PIK3R4: variants seen among roughly 807,000 people sequenced by gnomAD.
PIK3R4 encodes phosphoinositide 3-kinase regulatory subunit 4.
A neutral mutation model predicts 136.5 loss-of-function variants in PIK3R4; 46 were observed. That is an observed-to-expected ratio of 0.34 (90% CI 0.27 to 0.43). The LOEUF is 0.43. Ranked by LOEUF, PIK3R4 falls within the 20% of genes least tolerant of loss-of-function variation. The pLI, the probability that PIK3R4 is intolerant of heterozygous loss-of-function variation, is 1.00. For missense variants in PIK3R4, 1,331 were observed against 1,649.5 expected, an observed-to-expected ratio of 0.81 and a Z score of 3.35; for synonymous variants, 557 against 566.7, an observed-to-expected ratio of 0.98 and a Z score of 0.24.
chr3:130,734,134 T>C lies in PIK3R4; in HGVS notation c.868-4A>G, dbSNP rs368568950. On this transcript the variant is annotated splice_polypyrimidine_tract_variant and splice_region_variant and intron_variant, in intron 3 of 19. Transcript: ENST00000356763. ...CACGGTGAATCATCTGAGTTACCTATACCAAGGGAAGAAAAGGAATTAAAA... is the reference window on the plus strand; with the variant it reads ...CACGGTGAATCATCTGAGTTACCTACACCAAGGGAAGAAAAGGAATTAAAA... 6.1e-5 allele frequency: 96 copies of C among 1,583,174 alleles called. No homozygotes were observed. The highest frequency in any genetic ancestry group is 7.8e-5 in the Non-Finnish European group (91 of 1,165,558).
chr3:130,729,634 C>T (rs1169264836), intron 5 of PIK3R4, among the ~76,000 whole-genome samples: 4 of 152,142 alleles, frequency 2.6e-5, no homozygotes, highest in African/African-American at 9.7e-5. Flanking sequence ...CTGTATTCAA[C>T]TCTAGATAAT....
chr3:130,714,121 A>G (rs75998334), intron 9 of PIK3R4, among the ~76,000 whole-genome samples: 31,293 of 152,154 alleles, frequency 0.21, 3,486 homozygotes, highest in South Asian at 0.36. Context: ...AGGAGAAACA[A>G]CAGAAAAATG....
chr3:130,687,997 A>AAAAG (rs1244772619), intron 14 of PIK3R4, among the ~76,000 whole-genome samples: 1 of 152,204 alleles, frequency 6.6e-6, no homozygotes, highest in Non-Finnish European at 1.5e-5. Flanking sequence ...GGCCAGAGCT[A>AAAAG]AAAGATATAT....
intron 6 of PIK3R4, among the ~76,000 whole-genome samples, chr3:130,726,595 A>G (rs1221764867): frequency 6.6e-6 from 1 of 152,224 alleles, no homozygotes; most frequent in African/African-American, 2.4e-5. Context: ...GAAGAGGAAT[A>G]GCTATGGGAA....
chr3:130,731,839 G>C (rs2066761526), intron 4 of PIK3R4, among the ~76,000 whole-genome samples: 1 of 152,144 alleles, frequency 6.6e-6, no homozygotes. Context: ...TATTTTAAAA[G>C]ACCGCAAATT....
chr3:130,690,564 A>G lies in PIK3R4; in HGVS notation c.3189T>C (p.Asn1063=), dbSNP rs56006483. Residue 1063 remains asparagine, a synonymous_variant, in exon 14 of 20, where the codon AAT becomes AAC. Coordinates refer to ENST00000356763, the MANE Select transcript of PIK3R4 (RefSeq NM_014602.3). ...CAATTCCAAGAAGCTGGACAGCACC[A>G]TTATCAGATGCTATGGCTAAATAGT... ...GSHYLAIASD[N]GAVQLLGIEA... is the part of the protein sequence containing the mutation. 6.8e-6 allele frequency: 11 copies of G among 1,612,678 alleles called. No homozygotes were observed. The East Asian group carries it at 2.0e-4, about 29-fold the overall frequency.
At chr3:130,715,182 G>T (rs143543994) in intron 9 of PIK3R4, among the ~76,000 whole-genome samples, 1 of 147,814 alleles carries the variant, frequency 6.8e-6, no homozygotes, top group Non-Finnish European at 1.5e-5. Flanking sequence ...GGAGTGCAGC[G>T]GTGCGATCTT....
chr3:130,720,422 T>C (rs1349592673), intron 7 of PIK3R4, among the ~76,000 whole-genome samples: 1 of 152,230 alleles, frequency 6.6e-6, no homozygotes, highest in African/African-American at 2.4e-5. Flanking sequence ...CTTGAGCTCC[T>C]GACCTCAGGT....
intron 17 of PIK3R4, 84 bp from the exon 18 acceptor site, chr3:130,681,149 T>C: frequency 1.2e-6 from 1 of 810,406 alleles, no homozygotes; most frequent in East Asian, 2.5e-5. Context: ...GCAAGTTAAC[T>C]GTCAGTAGCT....
intron 13 of PIK3R4, 38 bp downstream of exon 13, chr3:130,703,685 T>C: frequency 5.4e-6 from 8 of 1,487,348 alleles, no homozygotes; most frequent in Non-Finnish European, 7.5e-6. Flanking sequence ...TTTGTTGATT[T>C]GAATTAATGA....
intron 9 of PIK3R4, among the ~76,000 whole-genome samples, chr3:130,715,659 C>A (rs2066660696): frequency 6.6e-6 from 1 of 151,720 alleles, no homozygotes; most frequent in African/African-American, 2.4e-5. Context: ...GATATTAGAT[C>A]TTTGTCAGAT....
chr3:130,743,484 C>G (rs1389026405), intron 2 of PIK3R4, among the ~76,000 whole-genome samples: 2 of 152,116 alleles, frequency 1.3e-5, no homozygotes, highest in East Asian at 3.8e-4. Flanking sequence ...CTCCTGCATA[C>G]TTGGCAGAAA....
At chr3:130,735,202 A>G (rs1400745319) in intron 3 of PIK3R4, among the ~76,000 whole-genome samples, 2 of 152,202 alleles carry the variant, frequency 1.3e-5, no homozygotes, top group Non-Finnish European at 2.9e-5. Flanking sequence ...AAAATGTATT[A>G]CATATCTCCC....
intron 7 of PIK3R4, among the ~76,000 whole-genome samples, chr3:130,721,825 GCAA>G (rs1340714420): frequency 6.6e-6 from 1 of 152,118 alleles, no homozygotes; most frequent in Non-Finnish European, 1.5e-5. Flanking sequence ...TACAGTATGT[GCAA>G]GTACAGCATG....
At chr3:130,721,736 G>A (rs1481622762) in intron 7 of PIK3R4, among the ~76,000 whole-genome samples, 1 of 152,142 alleles carries the variant, frequency 6.6e-6, no homozygotes, top group Non-Finnish European at 1.5e-5. Flanking sequence ...CCAGGGGCTG[G>A]GGTAGAAGGG....
intron 13 of PIK3R4, among the ~76,000 whole-genome samples, chr3:130,698,508 T>C (rs2066558779): frequency 6.6e-6 from 1 of 152,258 alleles, no homozygotes; most frequent in South Asian, 2.1e-4. Context: ...TTTTCTGTTA[T>C]TATACTTTTC....
chr3:130,706,331 G>A (rs1356646296), intron 11 of PIK3R4, among the ~76,000 whole-genome samples: 2 of 152,082 alleles, frequency 1.3e-5, no homozygotes, highest in African/African-American at 2.4e-5. Context: ...CCAACAGTTG[G>A]GCAAATTATC....
chr3:130,730,497 CTTA>C (rs2066755503), intron 4 of PIK3R4, 55 bp from the exon 5 acceptor site: 6 of 1,292,130 alleles, frequency 4.6e-6, no homozygotes, highest in Non-Finnish European at 6.3e-6. Flanking sequence ...CTCTGTAAAG[CTTA>C]TTAACTTTTC....
At chr3:130,707,291 G>A (rs145994816) in intron 10 of PIK3R4, among the ~76,000 whole-genome samples, 156 bp from the exon 11 acceptor site, 4 of 152,200 alleles carry the variant, frequency 2.6e-5, no homozygotes, top group Admixed American at 2.0e-4. Context: ...TCATATTCAT[G>A]TATCAATTCA....
Sources: allele counts gnomAD v4.1 joint callset (sites outside exome capture counted in the v4.1 genomes callset), GRCh38; gene constraint gnomAD v4.1.1; transcripts MANE v1.5; gene names NCBI Gene and HGNC (gene_info 2026-07-23, HGNC 2026-07-21).